Variants in PRR16 observed in about 807,000 individuals in gnomAD.
The protein encoded by PRR16 is proline rich 16.
In PRR16, 6 loss-of-function variants were observed where a neutral mutation model predicts 18.2. That is an observed-to-expected ratio of 0.33 (90% CI 0.18 to 0.65). PRR16 has a LOEUF of 0.65. PRR16 is among the 30% of genes least tolerant of loss of function. PRR16 has a pLI of 0.74. For synonymous variants in PRR16, 151 were observed against 147.8 expected (o/e 1.02, Z -0.16); for missense variants, 412 against 376.6 (o/e 1.09, Z -0.78).
At chr5:120,486,966 G>A (rs1201514375) in intron 1 of PRR16, among the ~76,000 whole-genome samples, 3 of 152,094 alleles carry the variant, frequency 2.0e-5, no homozygotes, top group Admixed American at 1.3e-4. Context: ...TAGATATGTG[G>A]CATTATTTCT....
chr5:120,615,384 C>CTTTTTT (rs10717083), intron 1 of PRR16, among the ~76,000 whole-genome samples: 4 of 119,478 alleles, frequency 3.3e-5, no homozygotes, highest in African/African-American at 6.2e-5. Context: ...TCTTTCTTTT[C>CTTTTTT]TTTTTTTTTT....
intron 1 of PRR16, among the ~76,000 whole-genome samples, chr5:120,644,429 G>C (rs76378823): frequency 7.2e-6 from 1 of 138,744 alleles, no homozygotes; most frequent in Non-Finnish European, 1.6e-5. Flanking sequence ...GTTTAATTTT[G>C]TTCATATTCT....
chr5:120,755,407 C>G, the PRR16 span, among the ~76,000 whole-genome samples: 1 of 151,940 alleles, frequency 6.6e-6, no homozygotes, highest in African/African-American at 2.4e-5. Flanking sequence ...CCATCAGTCT[C>G]CAGAGTCTAT....
intron 1 of PRR16, among the ~76,000 whole-genome samples, chr5:120,534,138 A>G (rs758807440): frequency 6.6e-5 from 10 of 152,194 alleles, no homozygotes; most frequent in Non-Finnish European, 1.2e-4. Flanking sequence ...AAACAATTTA[A>G]GAGCTTGTGG....
intron 1 of PRR16, among the ~76,000 whole-genome samples, chr5:120,640,138 A>C (rs59166325): frequency 8.6e-5 from 13 of 151,878 alleles, no homozygotes; most frequent in African/African-American, 2.9e-4. Context: ...GAACTACTAG[A>C]GGGGGTAGGG....
At chr5:120,785,834 G>A in the PRR16 span, among the ~76,000 whole-genome samples, 5 of 151,794 alleles carry the variant, frequency 3.3e-5, no homozygotes, top group East Asian at 9.7e-4. Context: ...CTCCCAAAGT[G>A]CTGGGATTAC....
chr5:120,576,953 C>T (rs913718925), intron 1 of PRR16, among the ~76,000 whole-genome samples: 1 of 151,908 alleles, frequency 6.6e-6, no homozygotes, highest in Non-Finnish European at 1.5e-5. Context: ...TGTATATACA[C>T]ATATACACAT....
At chr5:120,790,604 T>C in the PRR16 span, 3 of 152,206 alleles carry the variant, frequency 2.0e-5, no homozygotes, top group Non-Finnish European at 2.9e-5. Flanking sequence ...GTCAATTGCT[T>C]GAAAAATTTT....
At chr5:120,515,618 T>A (rs1750963819) in intron 1 of PRR16, among the ~76,000 whole-genome samples, 1 of 152,214 alleles carries the variant, frequency 6.6e-6, no homozygotes, top group African/African-American at 2.4e-5. Context: ...TTAAAATCTT[T>A]ATTCTCTTAC....
the PRR16 span, among the ~76,000 whole-genome samples, chr5:120,704,935 GT>G: frequency 6.6e-6 from 1 of 152,082 alleles, no homozygotes; most frequent in Non-Finnish European, 1.5e-5. Context: ...GCATTAAAAC[GT>G]TTTTTTAATT....
the PRR16 span, among the ~76,000 whole-genome samples, chr5:120,731,127 G>A: frequency 6.6e-6 from 1 of 152,104 alleles, no homozygotes; most frequent in Non-Finnish European, 1.5e-5. Flanking sequence ...TACTTTATAT[G>A]TCAACAGATC....
intron 1 of PRR16, among the ~76,000 whole-genome samples, chr5:120,493,766 TA>T (rs1216641780): frequency 6.6e-6 from 1 of 152,246 alleles, no homozygotes; most frequent in African/African-American, 2.4e-5. Flanking sequence ...AAGATTGCTA[TA>T]TAAGCAGAAT....
intron 1 of PRR16, among the ~76,000 whole-genome samples, chr5:120,510,081 G>A (rs17146710): frequency 6.6e-6 from 1 of 152,124 alleles, no homozygotes; most frequent in Non-Finnish European, 1.5e-5. Context: ...CCTTAGGTTA[G>A]AATGCACAAA....
Position 120,532,167 on chromosome 5 carries a change from C to G in PRR16, c.159+67522C>G, listed in dbSNP as rs561923617. On this transcript the variant is annotated intron_variant, in intron 1 of 1. Transcript: ENST00000407149. ...TGCGATCCAGGGAAACTAATGTTGC[C>G]CAATTCCTTTCTTAGGCATGATTAC... is the stretch of plus-strand genomic sequence containing the variant. Among the ~76,000 whole-genome samples the G allele has an allele frequency of 4.6e-5, 7 of 152,164 alleles. No homozygotes were observed. The South Asian group carries it at 1.0e-3, about 23-fold the overall frequency.
At chr5:120,531,492 G>A (rs1404299) in intron 1 of PRR16, 32,223 of 151,676 alleles carry the variant, frequency 0.21, 3,871 homozygotes, top group African/African-American at 0.33. Context: ...CTTTTAATCC[G>A]TAATGCCAGG....
the PRR16 span, among the ~76,000 whole-genome samples, chr5:120,754,582 TA>T: frequency 3.9e-5 from 4 of 101,790 alleles, no homozygotes; most frequent in Non-Finnish European, 5.6e-5. Flanking sequence ...TTATATTTTA[TA>T]TATTATATAT....
chr5:120,756,088 A>G, the PRR16 span, among the ~76,000 whole-genome samples: 2 of 152,140 alleles, frequency 1.3e-5, no homozygotes, highest in African/African-American at 4.8e-5. Flanking sequence ...GTTACACTTT[A>G]TGTAAATGTC....
chr5:120,713,591 C>T, the PRR16 span, among the ~76,000 whole-genome samples: 24 of 152,126 alleles, frequency 1.6e-4, no homozygotes, highest in African/African-American at 5.3e-4. Flanking sequence ...TTAAACCATT[C>T]GTATTGTGGA....
intron 1 of PRR16, among the ~76,000 whole-genome samples, chr5:120,665,126 CT>C (rs1446774318): frequency 8.3e-6 from 1 of 121,056 alleles, no homozygotes; most frequent in African/African-American, 2.9e-5. Context: ...CTGTTGTTTC[CT>C]GACTTTTTAA....
Sources: gnomAD v4.1 joint callset for allele counts (sites outside exome capture counted in the v4.1 genomes callset) on GRCh38, gnomAD v4.1.1 for gene constraint, MANE v1.5 for transcripts, NCBI Gene and HGNC (gene_info 2026-07-23, HGNC 2026-07-21) for gene names.